The following RIMS1 variants were observed in gnomAD, a reference collection of about 807,000 sequenced individuals.
RIMS1 encodes regulating synaptic membrane exocytosis protein 1.
RIMS1 carries 83 observed loss-of-function variants against 214.1 expected under a neutral mutation model. The observed-to-expected ratio is 0.39, with a 90% CI of 0.32 to 0.47. The LOEUF is 0.47. Among genes scored for constraint, RIMS1 ranks in the 20% least tolerant of loss-of-function variants. The pLI, the probability that RIMS1 is intolerant of heterozygous loss-of-function variation, is 0.99. For synonymous variants in RIMS1, 793 were observed against 786.8 expected, an observed-to-expected ratio of 1.01 and a Z score of -0.13; for missense variants, 2,050 against 2,161.8, an observed-to-expected ratio of 0.95 and a Z score of 1.03.
chr6:72,402,763 T>A lies in RIMS1; in HGVS notation c.*2049T>A, dbSNP rs542135172. ...CCTGTGCTTTTAAATGAAATTCCAA[T>A]TCATGTATGTAAACATGTTTAATAA... is the stretch of plus-strand genomic sequence containing the variant. On this transcript the variant is annotated 3_prime_UTR_variant, in exon 34 of 34. Coordinates refer to ENST00000521978, the MANE Select transcript of RIMS1 (RefSeq NM_014989.7). The A allele has an allele frequency of 5.9e-5, 9 of 152,804 alleles. No homozygotes were observed. The South Asian group carries it at 1.9e-3, about 32-fold the overall frequency. 9.5% of individuals were successfully genotyped at this position (152,804 alleles called of 1,614,324 possible). A position where few individuals can be genotyped will look rare whatever the true frequency, so the allele number is the denominator to read the frequency against.
chr6:72,253,076 C>A (rs1476627359), intron 16 of RIMS1, among the ~76,000 whole-genome samples: 1 of 152,080 alleles, frequency 6.6e-6, no homozygotes, highest in Admixed American at 6.6e-5. Context: ...TGAAACAAAT[C>A]ATTATTTCAC....
At position 72,402,371 on chromosome 6, in the gene RIMS1, T is replaced by C. The variant is rs1334564459; in HGVS notation, c.*1657T>C. 6.6e-6 allele frequency: 1 copy of C among 152,626 alleles called. No individual in the cohort carries two copies. Among genetic ancestry groups the C allele is most frequent in the Non-Finnish European group, 1.5e-5 (1 of 68,012 alleles). 9.5% of individuals were successfully genotyped at this position (152,626 alleles called of 1,614,324 possible). A position where few individuals can be genotyped will look rare whatever the true frequency, so the allele number is the denominator to read the frequency against. On this transcript the variant is annotated 3_prime_UTR_variant, in exon 34 of 34. Coordinates refer to ENST00000521978, the MANE Select transcript of RIMS1 (RefSeq NM_014989.7). ...CTCTGGGTCTGTGGTGAAATGTCTA[T>C]AGATGGACTTTATTTTTTACCCTCC...
At chr6:72,229,565 A>G (rs183738335) in intron 6 of RIMS1, among the ~76,000 whole-genome samples, 2 of 152,002 alleles carry the variant, frequency 1.3e-5, no homozygotes, top group Admixed American at 1.3e-4. Flanking sequence ...TTTGCTGTAT[A>G]GCAAATTATT....
At chr6:72,245,932 T>C in intron 11 of RIMS1, 71 bp downstream of exon 11, 1 of 1,128,144 alleles carries the variant, frequency 8.9e-7, no homozygotes, top group Non-Finnish European at 1.3e-6. Context: ...TAATTTTCTT[T>C]AGTTATTTGA....
chr6:72,307,432 G>C (rs1220062500), intron 27 of RIMS1, 62 bp downstream of exon 27: 12 of 1,097,410 alleles, frequency 1.1e-5, no homozygotes, highest in Non-Finnish European at 1.5e-5. Flanking sequence ...TGTGTACCAG[G>C]CAGGATTAGA....
intron 2 of RIMS1, among the ~76,000 whole-genome samples, chr6:72,006,384 C>G (rs1807644800): frequency 6.6e-6 from 1 of 152,308 alleles, no homozygotes; most frequent in South Asian, 2.1e-4. Flanking sequence ...CAGCTCCAGT[C>G]TACAGCTCCC....
chr6:71,974,565 G>C (rs958653143), intron 2 of RIMS1, among the ~76,000 whole-genome samples: 2 of 152,128 alleles, frequency 1.3e-5, no homozygotes, highest in Non-Finnish European at 2.9e-5. Context: ...ATGTTAGGGG[G>C]ACCAGGTAGG....
At chr6:72,197,224 G>A (rs985261730) in intron 6 of RIMS1, among the ~76,000 whole-genome samples, 1 of 152,060 alleles carries the variant, frequency 6.6e-6, no homozygotes, top group Non-Finnish European at 1.5e-5. Context: ...GTATCTACCA[G>A]AGCAGCCTAT....
intron 29 of RIMS1, among the ~76,000 whole-genome samples, chr6:72,381,937 A>G (rs1399363691): frequency 6.6e-6 from 1 of 152,250 alleles, no homozygotes; most frequent in East Asian, 1.9e-4. Flanking sequence ...GGTTAGGGAA[A>G]TGCAATAAAA....
At chr6:72,238,746 T>G (rs903534745) in intron 9 of RIMS1, among the ~76,000 whole-genome samples, 1 of 152,158 alleles carries the variant, frequency 6.6e-6, no homozygotes, top group Non-Finnish European at 1.5e-5. Context: ...GCTGTAGAAT[T>G]AAAGATTAAT....
chr6:71,942,004 T>C (rs1369289660), intron 1 of RIMS1, among the ~76,000 whole-genome samples: 1 of 152,208 alleles, frequency 6.6e-6, no homozygotes, highest in East Asian at 1.9e-4. Flanking sequence ...GTGTAGGCAC[T>C]GATTGGTCAA....
chr6:72,333,865 T>C (rs1331289384), intron 29 of RIMS1, 30 bp downstream of exon 29: 1 of 1,459,374 alleles, frequency 6.9e-7, no homozygotes, highest in Admixed American at 2.0e-5. Context: ...CCTAAACAAC[T>C]CAATTCTTTT....
rs2038554201 is a variant in RIMS1, at chr6:72,122,338, G to T, written c.471+22352G>T. On this transcript the variant is annotated intron_variant, in intron 4 of 33. Coordinates refer to ENST00000521978, the MANE Select transcript of RIMS1 (RefSeq NM_014989.7). ...TCCTGCCTCAGCCTTTTAAGTAGCT[G>T]GGACTACAGGTGCCTGCCACTGCAC... is the stretch of plus-strand genomic sequence containing the variant. Among the ~76,000 whole-genome samples the T allele has an allele frequency of 2.0e-5, 3 of 150,906 alleles. 1 individual carries two copies. Among genetic ancestry groups the T allele is most frequent in the African/African-American group, 7.3e-5 (3 of 41,142 alleles).
At chr6:71,958,687 A>G (rs1792027991) in intron 1 of RIMS1, among the ~76,000 whole-genome samples, 1 of 152,114 alleles carries the variant, frequency 6.6e-6, no homozygotes, top group Non-Finnish European at 1.5e-5. Context: ...ATGACAGGTA[A>G]TGGGAGGTGA....
chr6:72,047,781 A>T (rs1823464266), intron 2 of RIMS1, among the ~76,000 whole-genome samples: 1 of 152,192 alleles, frequency 6.6e-6, no homozygotes, highest in Non-Finnish European at 1.5e-5. Context: ...TCGTCTTCCC[A>T]ATCAGAAAGT....
intron 1 of RIMS1, among the ~76,000 whole-genome samples, chr6:71,908,766 C>A (rs1410452947): frequency 3.3e-5 from 5 of 152,114 alleles, no homozygotes; most frequent in Non-Finnish European, 5.9e-5. Flanking sequence ...CCTAAATGAA[C>A]CTTTTCATCT....
intron 4 of RIMS1, among the ~76,000 whole-genome samples, chr6:72,108,124 A>G (rs553890014): frequency 6.6e-6 from 1 of 152,048 alleles, no homozygotes; most frequent in Non-Finnish European, 1.5e-5. Context: ...GGCTCAGGCC[A>G]TCATCCTACC....
At chr6:71,901,073 C>G (rs1773459829) in intron 1 of RIMS1, among the ~76,000 whole-genome samples, 1 of 152,006 alleles carries the variant, frequency 6.6e-6, no homozygotes, top group Admixed American at 6.6e-5. Flanking sequence ...GGCACACTGA[C>G]TATGATAGCT....
intron 2 of RIMS1, among the ~76,000 whole-genome samples, chr6:71,973,077 T>G (rs2151390139): frequency 6.6e-6 from 1 of 152,264 alleles, no homozygotes; most frequent in South Asian, 2.1e-4. Flanking sequence ...ACCCAGCTAC[T>G]TTTTGTATTT....
Sources: allele counts gnomAD v4.1 joint callset (sites outside exome capture counted in the v4.1 genomes callset), GRCh38; gene constraint gnomAD v4.1.1; transcripts MANE v1.5; gene names NCBI Gene and HGNC (gene_info 2026-07-23, HGNC 2026-07-21).